Variants in ARHGAP28 observed in about 807,000 individuals in gnomAD.
The protein encoded by ARHGAP28 is rho GTPase-activating protein 28.
In ARHGAP28, 56 loss-of-function variants were observed where a neutral mutation model predicts 90.7. The observed-to-expected ratio is 0.62, with a 90% CI of 0.50 to 0.77. The LOEUF (loss-of-function observed/expected upper bound fraction) is 0.77. ARHGAP28 is among the 30% of genes least tolerant of loss of function. ARHGAP28 has a pLI of 0.00. For missense variants in ARHGAP28, 869 were observed against 900.9 expected (o/e 0.96, Z 0.45); for synonymous variants, 308 against 323.3 (o/e 0.95, Z 0.51).
intron 1 of ARHGAP28, among the ~76,000 whole-genome samples, chr18:6,782,592 A>ATTT (rs10602816): frequency 0.014 from 364 of 26,682 alleles, 122 homozygotes; most frequent in Non-Finnish European, 0.023. Context: ...TAATTTTTGT[A>ATTT]TTTTTTTTTT....
intron 1 of ARHGAP28, among the ~76,000 whole-genome samples, chr18:6,813,068 A>G (rs1435537722): frequency 1.3e-5 from 2 of 152,222 alleles, no homozygotes; most frequent in East Asian, 3.8e-4. Flanking sequence ...GATGTGAATA[A>G]TAAGAATGTG....
intron 1 of ARHGAP28, among the ~76,000 whole-genome samples, chr18:6,754,516 T>A (rs2056094075): frequency 6.6e-6 from 1 of 152,172 alleles, no homozygotes; most frequent in African/African-American, 2.4e-5. Context: ...CTGATACTAA[T>A]TCACCGATGG....
Position 6,912,095 on chromosome 18 carries a change from G to C in ARHGAP28, c.2131G>C (p.Asp711His). 6.2e-7 allele frequency: 1 copy of C among 1,608,286 alleles called. No individual in the cohort carries two copies. Among genetic ancestry groups the C allele is most frequent in the Non-Finnish European group, 8.5e-7 (1 of 1,176,526 alleles). The change falls in exon 18 of 18, where the codon GAT becomes CAT. Residue 711 changes from aspartate (D) to histidine (H), a missense_variant. Physicochemically the swap from Asp to His is moderately conservative, Grantham distance 81. Coordinates refer to ENST00000383472, the MANE Select transcript of ARHGAP28 (RefSeq NM_001366230.1). Reference protein sequence around the residue: ...HCLDPDAYILDVYRINPQAEW... With the variant: ...HCLDPDAYILHVYRINPQAEW... ...CTTGGATCCAGATGCTTATATATTGGATGTATATCGTATAAATCCTCAAGC... is the reference window on the plus strand; with the variant it reads ...CTTGGATCCAGATGCTTATATATTGCATGTATATCGTATAAATCCTCAAGC...
chr18:6,841,203 C>CTCTCTCTCTCTCTCTCT lies in ARHGAP28; in HGVS notation c.543+3789_543+3790insTCTCTCTCTCTCTCTCT, dbSNP rs754874496. 2.1e-4 allele frequency among the ~76,000 whole-genome samples: 9 copies of CTCTCTCTCTCTCTCTCT among 41,964 alleles called. 1 individual carries two copies. Among genetic ancestry groups the CTCTCTCTCTCTCTCTCT allele is most frequent in the African/African-American group, 9.2e-4 (8 of 8,654 alleles). The allele number at this position is 41,964 out of a possible 152,430, so 27.5% of individuals were successfully genotyped here. A position where few individuals can be genotyped will look rare whatever the true frequency, so the allele number is the denominator to read the frequency against. ...CTCCTCTCTCTCTCTCTCTCTCTCTCCTCTCCTCTCTCTCTCTCTCCCCCC... is the reference window on the plus strand; with the variant it reads ...CTCCTCTCTCTCTCTCTCTCTCTCTCTCTCTCTCTCTCTCTCTCTCTCCTCTCTCTCTCTCTCCCCCC... On this transcript the variant is annotated intron_variant, in intron 3 of 17. Coordinates refer to ENST00000383472, the MANE Select transcript of ARHGAP28 (RefSeq NM_001366230.1).
At chr18:6,807,075 C>T (rs1333455939) in intron 1 of ARHGAP28, among the ~76,000 whole-genome samples, 1 of 151,896 alleles carries the variant, frequency 6.6e-6, no homozygotes. Context: ...TACGGTGCAC[C>T]ATGGTGTTGT....
chr18:6,853,975 C>T (rs1211766220), intron 4 of ARHGAP28, among the ~76,000 whole-genome samples: 1 of 152,140 alleles, frequency 6.6e-6, no homozygotes, highest in Non-Finnish European at 1.5e-5. Context: ...TGGGCACATC[C>T]CTAACCTTGG....
intron 7 of ARHGAP28, among the ~76,000 whole-genome samples, chr18:6,871,604 A>G (rs2057090208): frequency 6.6e-6 from 1 of 152,196 alleles, no homozygotes. Context: ...ACGATGTAAC[A>G]TTGGTCTGTT....
In ARHGAP28 at chr18:6,913,686, T is replaced by C. The variant is rs1203851834; in HGVS notation, c.*1532T>C. The C allele has an allele frequency of 6.6e-6, 1 of 152,160 alleles. No homozygotes were observed. The highest frequency in any genetic ancestry group is 1.5e-5 in the Non-Finnish European group (1 of 68,032). The allele number at this position is 152,160 out of a possible 1,614,324, so 9.4% of individuals were successfully genotyped here. On this transcript the variant is annotated 3_prime_UTR_variant, in exon 18 of 18. Transcript: ENST00000383472. Reference sequence around the variant, plus strand: ...TTGTATTAAAATATATAGATAACTTTCTGGCATTTAGAATTTTGTTCCATT... The same window carrying C: ...TTGTATTAAAATATATAGATAACTTCCTGGCATTTAGAATTTTGTTCCATT...
intron 10 of ARHGAP28, 44 bp downstream of exon 10, chr18:6,876,252 C>A: frequency 1.4e-6 from 2 of 1,439,662 alleles, no homozygotes; most frequent in Non-Finnish European, 2.0e-6. Context: ...TCTAAGCTAG[C>A]TAGACCCAGT....
intron 11 of ARHGAP28, among the ~76,000 whole-genome samples, chr18:6,883,968 G>A (rs890593077): frequency 6.6e-6 from 1 of 152,072 alleles, no homozygotes. Flanking sequence ...AGAATTTTCA[G>A]TTGGTGCTTT....
rs556897876 is a variant in ARHGAP28, at chr18:6,886,002, A to G, written c.1454-1155A>G. ...CTGGACCTGCGTCATTATAAATTTG[A>G]TACAAGTTATCCACAAATCTACACA... On this transcript the variant is annotated intron_variant, in intron 11 of 17. Transcript: ENST00000383472. Among the ~76,000 whole-genome samples the G allele has an allele frequency of 2.0e-5, 3 of 152,224 alleles. No homozygotes were observed. In the South Asian group the frequency reaches 6.2e-4, roughly 32 times the overall value.
In ARHGAP28 at chr18:6,859,825, C is replaced by G. The variant is rs200478650; in HGVS notation, c.654C>G (p.Leu218=). The G allele has an allele frequency of 2.0e-5, 33 of 1,614,098 alleles. No homozygotes were observed. In the East Asian group the frequency reaches 6.9e-4, roughly 34 times the overall value. The change falls in exon 5 of 18, where the codon CTC becomes CTG. Residue 218 remains leucine, a synonymous_variant. Coordinates refer to ENST00000383472, the MANE Select transcript of ARHGAP28 (RefSeq NM_001366230.1). The part of the protein sequence containing the change: ...TSGSMPDDAS[L]NSTTLSDASQ... ...CCATTTAGCCAGATGATGCTTCTCTCAACAGTACTACCCTGTCTGACGCAT... is the reference window on the plus strand; with the variant it reads ...CCATTTAGCCAGATGATGCTTCTCTGAACAGTACTACCCTGTCTGACGCAT...
chr18:6,868,584 C>T (rs971308600), intron 6 of ARHGAP28, among the ~76,000 whole-genome samples: 1 of 144,042 alleles, frequency 6.9e-6, no homozygotes, highest in African/African-American at 2.6e-5. Context: ...ACTCACTGCT[C>T]AGGCACACGC....
intron 4 of ARHGAP28, 26 bp downstream of exon 4, chr18:6,851,152 T>G: frequency 6.2e-7 from 1 of 1,600,132 alleles, no homozygotes; most frequent in South Asian, 1.1e-5. Context: ...GGGGGGATGG[T>G]GGTAGGCATG....
chr18:6,873,126 G>A (rs1190044002), intron 7 of ARHGAP28, among the ~76,000 whole-genome samples: 1 of 152,178 alleles, frequency 6.6e-6, no homozygotes, highest in Non-Finnish European at 1.5e-5. Flanking sequence ...TATGTTGTTT[G>A]ACAATATTGG....
In ARHGAP28 at chr18:6,896,601, T is replaced by C. The variant is rs147121696; in HGVS notation, c.2005T>C (p.Leu669=). The C allele has an allele frequency of 2.0e-4, 322 of 1,613,980 alleles. No homozygotes were observed. Among genetic ancestry groups the C allele is most frequent in the Non-Finnish European group, 2.6e-4 (310 of 1,179,996 alleles). The change falls in exon 16 of 18, where the codon TTG becomes CTG. Residue 669 remains leucine, a synonymous_variant. Coordinates refer to ENST00000383472, the MANE Select transcript of ARHGAP28 (RefSeq NM_001366230.1). ...CAATCAAACCAAAGCCAAAGACATATTGGCAAAATTTCAATATGAAAACAG... is the reference window on the plus strand; with the variant it reads ...CAATCAAACCAAAGCCAAAGACATACTGGCAAAATTTCAATATGAAAACAG... ...LNNQTKAKDI[L]AKFQYENSHG... is the part of the protein sequence containing the mutation.
At chr18:6,735,433 T>G (rs1484118626) in intron 1 of ARHGAP28, among the ~76,000 whole-genome samples, 3 of 152,244 alleles carry the variant, frequency 2.0e-5, no homozygotes, top group Non-Finnish European at 4.4e-5. Flanking sequence ...CCGAGTCTCC[T>G]GCAATCTGAC....
At chr18:6,805,279 CTGAT>C (rs1403473629) in intron 1 of ARHGAP28, among the ~76,000 whole-genome samples, 3 of 152,120 alleles carry the variant, frequency 2.0e-5, no homozygotes, top group South Asian at 2.1e-4. Flanking sequence ...ATTGATCTTA[CTGAT>C]TATTATAAAA....
chr18:6,894,987 A>G, intron 15 of ARHGAP28, 96 bp downstream of exon 15: 5 of 1,209,674 alleles, frequency 4.1e-6, no homozygotes, highest in Non-Finnish European at 6.1e-6. Flanking sequence ...GTCATGAACT[A>G]TCCTTCAAAC....
Sources: allele counts gnomAD v4.1 joint callset (sites outside exome capture counted in the v4.1 genomes callset), GRCh38; gene constraint gnomAD v4.1.1; transcripts MANE v1.5; gene names NCBI Gene and HGNC (gene_info 2026-07-23, HGNC 2026-07-21).